The following RUVBL1 variants were observed in gnomAD, a reference collection of about 807,000 sequenced individuals.
RUVBL1 encodes the protein ruvB-like 1.
In RUVBL1, 4 loss-of-function variants were observed where a neutral mutation model predicts 52.4. The ratio of observed to expected loss-of-function variants is 0.08; its 90% CI spans 0.04 to 0.17. RUVBL1 has a LOEUF of 0.17. RUVBL1 is among the 10% of genes least tolerant of loss of function. The pLI is 1.00. For missense variants in RUVBL1, 298 were observed against 572.8 expected (o/e 0.52, Z 4.90); for synonymous variants, 217 against 214.4 (o/e 1.01, Z -0.10).
At chr3:128,099,536 C>T (rs1227841629) in intron 6 of RUVBL1, among the ~76,000 whole-genome samples, 1 of 152,222 alleles carries the variant, frequency 6.6e-6, no homozygotes, top group Non-Finnish European at 1.5e-5. Context: ...CTAGTCCTTA[C>T]TTAACTTGGA....
At chr3:128,116,498 C>A (rs2107711764) in intron 2 of RUVBL1, among the ~76,000 whole-genome samples, 1 of 150,082 alleles carries the variant, frequency 6.7e-6, no homozygotes, top group African/African-American at 2.5e-5. Context: ...CACTGTACTC[C>A]ACCCTGGGCA....
At chr3:128,095,499 C>T (rs1942947798) in intron 8 of RUVBL1, among the ~76,000 whole-genome samples, 1 of 152,284 alleles carries the variant, frequency 6.6e-6, no homozygotes, top group African/African-American at 2.4e-5. Context: ...CTGGCACACA[C>T]TTTCTCTCCA....
At position 128,069,527 on chromosome 3, in the gene RUVBL1, G is replaced by A. The variant is rs750919679; in HGVS notation, c.940-4307C>T. 8.7e-6 allele frequency: 14 copies of A among 1,613,888 alleles called. No individual in the cohort carries two copies. The highest frequency in any genetic ancestry group is 4.5e-5 in the East Asian group (2 of 44,880). On this transcript the variant is annotated intron_variant, in intron 9 of 9. Transcript: ENST00000464873. ...GTGGGCTGTGCATCGGGGCCCTCTC[G>A]GTCCTGGCTGACTTCCTAGGCGCCA...
chr3:128,098,815 A>C, intron 7 of RUVBL1, 67 bp downstream of exon 7: 1 of 1,352,964 alleles, frequency 7.4e-7, no homozygotes, highest in Non-Finnish European at 1.1e-6. Context: ...ACAGAGCCGC[A>C]AGAGCATCTC....
chr3:128,124,746 C>T (rs1335040383), upstream of RUVBL1, among the ~76,000 whole-genome samples: 3 of 152,216 alleles, frequency 2.0e-5, no homozygotes, highest in Middle Eastern at 3.4e-3. Flanking sequence ...ACCCAGGTGG[C>T]GAGAAGACCA....
chr3:128,111,604 C>T (rs59115469), intron 3 of RUVBL1, among the ~76,000 whole-genome samples: 3,771 of 152,212 alleles, frequency 0.025, 153 homozygotes, highest in African/African-American at 0.083. Context: ...CTGCCCTCAC[C>T]CTCCTTACTA....
At chr3:128,116,327 A>T (rs1037790822) in intron 2 of RUVBL1, among the ~76,000 whole-genome samples, 2 of 151,954 alleles carry the variant, frequency 1.3e-5, no homozygotes, top group African/African-American at 2.4e-5. Context: ...GATCACCTAA[A>T]GTCAGGAGTT....
chr3:128,149,988 A>G (rs913361315), intron 1 of RUVBL1, among the ~76,000 whole-genome samples: 2 of 152,230 alleles, frequency 1.3e-5, no homozygotes, highest in African/African-American at 2.4e-5. Context: ...GCCACGTGCC[A>G]CATGGCTTAG....
chr3:128,077,057 C>G (rs1942352549), downstream of RUVBL1, among the ~76,000 whole-genome samples: 1 of 151,794 alleles, frequency 6.6e-6, no homozygotes, highest in African/African-American at 2.4e-5. Context: ...GCCCGCTGCG[C>G]GCCGCCCATT....
intron 1 of RUVBL1, 45 bp from the exon 2 acceptor site, chr3:128,119,459 T>C (rs1943595184): frequency 6.6e-7 from 1 of 1,520,260 alleles, no homozygotes; most frequent in African/African-American, 1.4e-5. Flanking sequence ...TATTAAAATG[T>C]TTCACAAGGG....
intron 4 of RUVBL1, 108 bp downstream of exon 4, chr3:128,104,665 T>C: frequency 1.1e-6 from 1 of 889,436 alleles, no homozygotes; most frequent in South Asian, 2.3e-5. Context: ...AATCAATACC[T>C]GCAGTGCACA....
chr3:128,128,883 T>A (rs1012736785), intron 1 of RUVBL1, among the ~76,000 whole-genome samples: 1 of 152,226 alleles, frequency 6.6e-6, no homozygotes, highest in African/African-American at 2.4e-5. Context: ...CTTTACTATC[T>A]GGGTCTCAGG....
chr3:128,148,729 C>G (rs994140693), intron 1 of RUVBL1, among the ~76,000 whole-genome samples: 1 of 152,182 alleles, frequency 6.6e-6, no homozygotes, highest in Non-Finnish European at 1.5e-5. Flanking sequence ...CTATTCTGTA[C>G]TTGTACAAGC....
chr3:128,076,997 G>A (rs1027481535), downstream of RUVBL1, among the ~76,000 whole-genome samples: 1 of 152,070 alleles, frequency 6.6e-6, no homozygotes. The surrounding 1 kb of genome is among the most constrained non-coding windows in gnomAD (Gnocchi z 6.8). Flanking sequence ...GACGGAGCGG[G>A]CAATCGGCAG....
chr3:128,131,995 G>C (rs1943883468), intron 1 of RUVBL1, among the ~76,000 whole-genome samples: 1 of 152,208 alleles, frequency 6.6e-6, no homozygotes, highest in African/African-American at 2.4e-5. Context: ...AGGCACTAAA[G>C]AGAGTAGGAA....
At chr3:128,119,772 A>T (rs1943602126) in intron 1 of RUVBL1, among the ~76,000 whole-genome samples, 1 of 152,234 alleles carries the variant, frequency 6.6e-6, no homozygotes, top group Non-Finnish European at 1.5e-5. Flanking sequence ...AGCAGGAGTC[A>T]GCGTTCCAGG....
chr3:128,079,955 G>C (rs1230147660), downstream of RUVBL1, among the ~76,000 whole-genome samples: 60 of 152,350 alleles, frequency 3.9e-4, 1 homozygote, highest in Admixed American at 3.9e-3. Flanking sequence ...AGCAAGTGCT[G>C]GGAACAGCGT....
intron 1 of RUVBL1, 58 bp downstream of exon 1, chr3:128,123,526 C>T (rs1943709062): frequency 6.7e-7 from 1 of 1,481,598 alleles, no homozygotes; most frequent in Admixed American, 2.0e-5. Flanking sequence ...ACTTCAGCAG[C>T]TCTCTCGCCG....
At chr3:128,145,509 T>TC (rs1559838762) in intron 1 of RUVBL1, among the ~76,000 whole-genome samples, 1 of 152,182 alleles carries the variant, frequency 6.6e-6, no homozygotes, top group Non-Finnish European at 1.5e-5. Flanking sequence ...TGAGGAAGCT[T>TC]CCAGAGGGCG....
Sources: allele counts gnomAD v4.1 joint callset (sites outside exome capture counted in the v4.1 genomes callset), GRCh38; gene constraint gnomAD v4.1.1; non-coding constraint Gnocchi (gnomAD v3.1); transcripts MANE v1.5; gene names NCBI Gene and HGNC (gene_info 2026-07-23, HGNC 2026-07-21).